The following FHOD3 variants were observed in gnomAD, a reference collection of about 807,000 sequenced individuals.
FHOD3 encodes FH1/FH2 domain-containing protein 3.
A neutral mutation model predicts 173.0 loss-of-function variants in FHOD3; 90 were observed. The observed-to-expected ratio is 0.52, with a 90% CI of 0.44 to 0.62. The LOEUF (loss-of-function observed/expected upper bound fraction) is 0.62, where lower values mean the gene tolerates loss of function less well. Ranked by LOEUF, FHOD3 falls within the 20% of genes least tolerant of loss-of-function variation. The pLI is 0.00. For synonymous variants in FHOD3, 828 were observed against 823.0 expected (o/e 1.01, Z -0.10); for missense variants, 1,945 against 2,034.7 (o/e 0.96, Z 0.85).
chr18:36,426,940 A>G (rs1439225986), intron 3 of FHOD3, among the ~76,000 whole-genome samples: 4 of 152,222 alleles, frequency 2.6e-5, no homozygotes, highest in African/African-American at 9.6e-5. Flanking sequence ...AAGTAAGCAC[A>G]CACAACCAGG....
Position 36,372,710 on chromosome 18 carries a change from G to T in FHOD3, c.303G>T (p.Arg101Ser), listed in dbSNP as rs2047253106. ...GRGKKHSIILRTQLSVRVHAC... is the reference protein window; with the variant it reads ...GRGKKHSIILSTQLSVRVHAC... Reference sequence around the variant, plus strand: ...GCAAGAAGCACAGCATCATCCTAAGGACGCAGCTGTCTGTGAGGGTCCATG... The same window carrying T: ...GCAAGAAGCACAGCATCATCCTAAGTACGCAGCTGTCTGTGAGGGTCCATG... The change falls in exon 3 of 29, where the codon AGG (arginine) becomes AGT (serine). Residue 101 changes from arginine to serine, a missense_variant. Physicochemically the swap from Arg to Ser is moderately radical, Grantham distance 110. This residue lies in a region of FHOD3 where 245 missense variants were observed against 267.7 expected (regional missense o/e 0.92). Coordinates refer to ENST00000590592, the MANE Select transcript of FHOD3 (RefSeq NM_001281740.3). The T allele has an allele frequency of 6.2e-7, 1 of 1,613,904 alleles. No homozygotes were observed. The highest frequency in any genetic ancestry group is 8.5e-7 in the Non-Finnish European group (1 of 1,179,968).
chr18:36,774,227 A>T (rs531291323), intron 28 of FHOD3, among the ~76,000 whole-genome samples: 1 of 152,330 alleles, frequency 6.6e-6, no homozygotes, highest in Admixed American at 6.5e-5. Context: ...AGTCTTCAGG[A>T]GTACTGGATG....
At chr18:36,607,040 C>T (rs544709057) in intron 8 of FHOD3, among the ~76,000 whole-genome samples, 40 of 152,260 alleles carry the variant, frequency 2.6e-4, no homozygotes, top group Middle Eastern at 3.4e-3. Context: ...CTACAGCTTT[C>T]GCGGGCTGGA....
intron 18 of FHOD3, chr18:36,710,360 T>C (rs528143373): frequency 2.6e-5 from 4 of 152,318 alleles, no homozygotes; most frequent in East Asian, 3.9e-4. Context: ...CTCGAGTCGA[T>C]GTCTTAGGCC....
At chr18:36,407,809 C>T (rs1240845107) in intron 3 of FHOD3, among the ~76,000 whole-genome samples, 1 of 152,206 alleles carries the variant, frequency 6.6e-6, no homozygotes, top group Non-Finnish European at 1.5e-5. Flanking sequence ...GAATATCCTA[C>T]TTAACTTCTG....
intron 8 of FHOD3, among the ~76,000 whole-genome samples, chr18:36,610,388 G>A (rs2032548863): frequency 6.6e-6 from 1 of 152,204 alleles, no homozygotes; most frequent in African/African-American, 2.4e-5. Flanking sequence ...GCAGAAGGCA[G>A]CCCTGATGAC....
rs553911960 is a variant in FHOD3 at position 36,672,522 on chromosome 18, C to G, written c.1836-8914C>G. Among the ~76,000 whole-genome samples the G allele has an allele frequency of 5.3e-5, 8 of 152,320 alleles. No homozygotes were observed. In the East Asian group the frequency reaches 1.5e-3, roughly 29 times the overall value. ...CCCAGCCACCTCGCCCAGACTTGTT[C>G]AAATGGCAGTGGTGTAGGGTTCCCA... On this transcript the variant is annotated intron_variant, in intron 14 of 28. Coordinates refer to ENST00000590592, the MANE Select transcript of FHOD3 (RefSeq NM_001281740.3).
intron 26 of FHOD3, among the ~76,000 whole-genome samples, chr18:36,760,261 A>C (rs2042813319): frequency 6.6e-6 from 1 of 152,216 alleles, no homozygotes; most frequent in Non-Finnish European, 1.5e-5. Flanking sequence ...TTCTTATATC[A>C]GGGCTTTGGT....
At chr18:36,454,380 CACACACAGGCAT>C (rs1023600553) in intron 3 of FHOD3, among the ~76,000 whole-genome samples, 27 of 152,290 alleles carry the variant, frequency 1.8e-4, no homozygotes, top group East Asian at 1.7e-3. Flanking sequence ...TATAGGAGCA[CACACACAGGCAT>C]ACACACAGGC....
intron 27 of FHOD3, among the ~76,000 whole-genome samples, chr18:36,766,058 G>T (rs2043126320): frequency 6.6e-6 from 1 of 151,826 alleles, no homozygotes. Context: ...AATAAATAAA[G>T]ATAAAATCTT....
rs368110019 is a variant in FHOD3, at chr18:36,469,131, G to T, written c.338-32801G>T. Among the ~76,000 whole-genome samples the T allele has an allele frequency of 3.0e-4, 45 of 152,182 alleles. 1 individual carries two copies. Among genetic ancestry groups the T allele is most frequent in the East Asian group, 9.7e-4 (5 of 5,176 alleles). Reference sequence around the variant, plus strand: ...CCACTGTGATGCCTGTTGAGAACAGGGGTGTAATTTTCTGTTTTACATATA... The same window carrying T: ...CCACTGTGATGCCTGTTGAGAACAGTGGTGTAATTTTCTGTTTTACATATA... On this transcript the variant is annotated intron_variant, in intron 3 of 28. Transcript: ENST00000590592.
intron 3 of FHOD3, among the ~76,000 whole-genome samples, chr18:36,493,731 C>G (rs1047146391): frequency 6.6e-6 from 1 of 152,184 alleles, no homozygotes; most frequent in African/African-American, 2.4e-5. Flanking sequence ...TCAATAACTG[C>G]TGCCAACAGA....
chr18:36,479,399 C>A (rs2053758959), intron 3 of FHOD3, among the ~76,000 whole-genome samples: 2 of 152,168 alleles, frequency 1.3e-5, no homozygotes, highest in South Asian at 4.1e-4. Flanking sequence ...GAGCTGTCAT[C>A]CTTTTTGCCC....
At chr18:36,504,771 CATAA>C (rs1424692673) in intron 4 of FHOD3, among the ~76,000 whole-genome samples, 2 of 138,692 alleles carry the variant, frequency 1.4e-5, no homozygotes, top group African/African-American at 2.7e-5. Context: ...TAAATAAATA[CATAA>C]ATAAATAAAA....
At chr18:36,585,967 G>T (rs1221578772) in intron 6 of FHOD3, among the ~76,000 whole-genome samples, 1 of 152,130 alleles carries the variant, frequency 6.6e-6, no homozygotes, top group Non-Finnish European at 1.5e-5. Flanking sequence ...AGCCTGCAGG[G>T]TTCTGCCACT....
intron 8 of FHOD3, among the ~76,000 whole-genome samples, chr18:36,609,690 A>G (rs2032468512): frequency 6.7e-6 from 1 of 150,208 alleles, no homozygotes; most frequent in Admixed American, 6.7e-5. Flanking sequence ...GCTCACTGCA[A>G]TCTCCGTCTC....
intron 28 of FHOD3, among the ~76,000 whole-genome samples, chr18:36,771,659 A>C (rs1016730541): frequency 6.6e-6 from 1 of 152,220 alleles, no homozygotes; most frequent in African/African-American, 2.4e-5. Context: ...CTTCAAGGTC[A>C]CCACATGGCA....
At chr18:36,656,099 G>A (rs1199108990) in intron 13 of FHOD3, among the ~76,000 whole-genome samples, 1 of 152,012 alleles carries the variant, frequency 6.6e-6, no homozygotes, top group Non-Finnish European at 1.5e-5. Flanking sequence ...GTCTCGTCAC[G>A]GAGAGTGCTA....
intron 3 of FHOD3, among the ~76,000 whole-genome samples, chr18:36,491,251 A>T (rs2054455827): frequency 6.6e-6 from 1 of 152,214 alleles, no homozygotes; most frequent in South Asian, 2.1e-4. Flanking sequence ...TTTTTTAAGC[A>T]GACTTCATTT....
Sources: gnomAD v4.1 joint callset for allele counts (sites outside exome capture counted in the v4.1 genomes callset) on GRCh38, gnomAD v4.1.1 for gene constraint, gnomAD v4.1.1 regional missense constraint, MANE v1.5 for transcripts, NCBI Gene and HGNC (gene_info 2026-07-23, HGNC 2026-07-21) for gene names.